The following HEG1 variants were observed in gnomAD, a reference collection of about 807,000 sequenced individuals.
HEG1 encodes protein HEG homolog 1.
A neutral mutation model predicts 125.6 loss-of-function variants in HEG1; 56 were observed. The ratio of observed to expected loss-of-function variants is 0.45; its 90% CI spans 0.36 to 0.56. HEG1 has a LOEUF of 0.56. HEG1 is among the 20% of genes least tolerant of loss of function. The probability of loss-of-function intolerance (pLI) is 0.00; values close to 1 mark genes in which losing one functional copy is unlikely to be tolerated. For missense variants in HEG1, 1,523 were observed against 1,670.0 expected, an observed-to-expected ratio of 0.91 and a Z score of 1.53; for synonymous variants, 644 against 668.5, an observed-to-expected ratio of 0.96 and a Z score of 0.57.
chr3:125,049,491 G>A (rs1019010695), intron 1 of HEG1, among the ~76,000 whole-genome samples: 3 of 152,066 alleles, frequency 2.0e-5, no homozygotes, highest in Non-Finnish European at 4.4e-5. Flanking sequence ...ATCTGGCCCC[G>A]GCCTCCCTCT....
At chr3:125,048,253 T>C (rs71325814) in intron 1 of HEG1, among the ~76,000 whole-genome samples, 39,969 of 152,246 alleles carry the variant, frequency 0.26, 6,447 homozygotes, top group South Asian at 0.41. Flanking sequence ...ACTTTGCAGA[T>C]GGTCTTTCCA....
chr3:124,997,944 C>T, intron 11 of HEG1, 121 bp from the exon 12 acceptor site: 1 of 1,195,060 alleles, frequency 8.4e-7, no homozygotes, highest in Non-Finnish European at 1.1e-6. Context: ...AGGCTGAGAA[C>T]AGTTTTCCGA....
At chr3:124,992,100 TCTTCTGGGGCACAGTCCTGGTGTGTAC>T (rs1936843587) in intron 12 of HEG1, among the ~76,000 whole-genome samples, 1 of 152,122 alleles carries the variant, frequency 6.6e-6, no homozygotes, top group South Asian at 2.1e-4. Context: ...GTAGGTGACA[TCTTCTGGGGCACAGTCCTGGTGTGTAC>T]CCAGGTTTTC....
In HEG1 at chr3:125,019,493, C is replaced by T. The variant is rs748823715; in HGVS notation, c.1357G>A (p.Glu453Lys). The T allele has an allele frequency of 2.5e-6, 4 of 1,614,040 alleles. No homozygotes were observed. Among genetic ancestry groups the T allele is most frequent in the East Asian group, 4.5e-5 (2 of 44,870 alleles). Reference protein sequence around the residue: ...SRSVAPMRGGEITAHWLLTNS... With the variant: ...SRSVAPMRGGKITAHWLLTNS... ...GTCAAGAGCCAGTGTGCAGTGATCT[C>T]TCCACCTCTCATGGGTGCGACTGAC... is the stretch of plus-strand genomic sequence containing the variant. Residue 453 changes from glutamate to lysine, a missense_variant, in exon 5 of 17, where the codon GAG becomes AAG. Coordinates refer to ENST00000311127, the MANE Select transcript of HEG1 (RefSeq NM_020733.2).
intron 14 of HEG1, among the ~76,000 whole-genome samples, 156 bp from the exon 15 acceptor site, chr3:124,978,102 G>C (rs1023273313): frequency 5.3e-5 from 8 of 152,200 alleles, no homozygotes; most frequent in African/African-American, 1.9e-4. Context: ...GATCCTCAAT[G>C]GCTATCTCCA....
intron 1 of HEG1, among the ~76,000 whole-genome samples, chr3:125,032,337 T>C (rs1676152091): frequency 6.6e-6 from 1 of 152,242 alleles, no homozygotes; most frequent in South Asian, 2.1e-4. Context: ...GGGAATCACT[T>C]CCTCCCCAAA....
chr3:125,039,662 G>T (rs1299678594), intron 1 of HEG1, among the ~76,000 whole-genome samples: 1 of 151,970 alleles, frequency 6.6e-6, no homozygotes, highest in Non-Finnish European at 1.5e-5. Flanking sequence ...CCTGTCAAGC[G>T]GGTATTATTA....
intron 14 of HEG1, among the ~76,000 whole-genome samples, chr3:124,987,481 A>G (rs1579400802): frequency 6.6e-6 from 1 of 150,596 alleles, no homozygotes; most frequent in East Asian, 2.0e-4. Context: ...GGTCTGCTGC[A>G]CTTTGAGCCT....
intron 15 of HEG1, among the ~76,000 whole-genome samples, chr3:124,976,434 C>T (rs1426322139): frequency 2.0e-5 from 3 of 151,800 alleles, no homozygotes; most frequent in South Asian, 2.1e-4. Context: ...GTGATCCACT[C>T]GCCTCGAACT....
intron 3 of HEG1, among the ~76,000 whole-genome samples, chr3:125,022,080 A>G (rs1359777989): frequency 6.6e-6 from 1 of 152,148 alleles, no homozygotes; most frequent in African/African-American, 2.4e-5. Flanking sequence ...TAACTTTCCA[A>G]AGGATGCCCT....
intron 8 of HEG1, among the ~76,000 whole-genome samples, chr3:125,008,617 G>A (rs1937105861): frequency 6.6e-6 from 1 of 152,126 alleles, no homozygotes; most frequent in African/African-American, 2.4e-5. Flanking sequence ...GGCCAACATG[G>A]CAAAGCCCCT....
At chr3:124,976,315 T>A (rs566791209) in intron 15 of HEG1, among the ~76,000 whole-genome samples, 1 of 152,162 alleles carries the variant, frequency 6.6e-6, no homozygotes, top group East Asian at 1.9e-4. Context: ...GCCTCCCGAG[T>A]AGCTGGGATT....
Position 125,038,723 on chromosome 3 carries a change from G to C in HEG1, c.317-9235C>G, listed in dbSNP as rs900771383. On this transcript the variant is annotated intron_variant, in intron 1 of 16. Coordinates refer to ENST00000311127, the MANE Select transcript of HEG1 (RefSeq NM_020733.2). The stretch of plus-strand genomic sequence containing the variant: ...GCACCTGTGTACACCCTGAGTAGGA[G>C]AGTAATTTGGAATAAACCTGCCACA... 5.1e-4 allele frequency among the ~76,000 whole-genome samples: 78 copies of C among 152,082 alleles called. 1 individual carries two copies. Among genetic ancestry groups the C allele is most frequent in the Admixed American group, 6.5e-5 (1 of 15,286 alleles).
At chr3:124,988,231 G>A (rs971001868) in intron 14 of HEG1, among the ~76,000 whole-genome samples, 1 of 151,796 alleles carries the variant, frequency 6.6e-6, no homozygotes, top group African/African-American at 2.4e-5. Context: ...TTAAGGCATA[G>A]ATATCCTCCT....
intron 14 of HEG1, among the ~76,000 whole-genome samples, chr3:124,989,017 T>G (rs1254781065): frequency 6.6e-6 from 1 of 152,202 alleles, no homozygotes; most frequent in Non-Finnish European, 1.5e-5. Flanking sequence ...AGTCTTTCTC[T>G]GAGGCTATCT....
intron 12 of HEG1, 57 bp downstream of exon 12, chr3:124,997,632 G>C: frequency 1.4e-6 from 2 of 1,474,212 alleles, no homozygotes; most frequent in East Asian, 4.7e-5. Flanking sequence ...AAGAGAAACA[G>C]AGCACCAGGC....
In HEG1 at chr3:124,997,768, G is replaced by A. The variant is rs2107694474; in HGVS notation, c.3573C>T (p.Cys1191=). Residue 1191 remains cysteine, a synonymous_variant, in exon 12 of 17, where the codon TGC becomes TGT. Transcript: ENST00000311127. ...ACAGGGCAACGCCGTCCAGGTCAGT[G>A]CAGATGGAGGTGTCTTTGTCACATT... ...SPECDKDTSI[C]TDLDGVALCQ... The A allele has an allele frequency of 6.3e-7, 1 of 1,599,940 alleles. No homozygotes were observed. Among genetic ancestry groups the A allele is most frequent in the South Asian group, 1.1e-5 (1 of 88,794 alleles).
At chr3:125,049,378 G>C (rs1937753043) in intron 1 of HEG1, among the ~76,000 whole-genome samples, 1 of 152,158 alleles carries the variant, frequency 6.6e-6, no homozygotes, top group Non-Finnish European at 1.5e-5. Context: ...CTCATGCCGG[G>C]CTGGCATCCC....
At chr3:125,027,657 G>A in intron 2 of HEG1, 150 bp from the exon 3 acceptor site, 1 of 682,948 alleles carries the variant, frequency 1.5e-6, no homozygotes, top group South Asian at 2.1e-5. Context: ...ATAAACTCCT[G>A]AAAGAGACCA....
Sources: allele counts gnomAD v4.1 joint callset (sites outside exome capture counted in the v4.1 genomes callset), GRCh38; gene constraint gnomAD v4.1.1; transcripts MANE v1.5; gene names NCBI Gene and HGNC (gene_info 2026-07-23, HGNC 2026-07-21).